CDH13: variants seen among roughly 807,000 people sequenced by gnomAD.
The protein encoded by CDH13 is cadherin-13.
A neutral mutation model predicts 63.8 loss-of-function variants in CDH13; 24 were observed. The observed-to-expected ratio is 0.38, with a 90% confidence interval of 0.27 to 0.53. The LOEUF (loss-of-function observed/expected upper bound fraction) is 0.53, where lower values mean the gene tolerates loss of function less well. CDH13 is among the 20% of genes least tolerant of loss of function. The pLI is 0.85. For synonymous variants in CDH13, 503 were observed against 355.3 expected (o/e 1.42, Z -4.67); for missense variants, 1,049 against 903.1 (o/e 1.16, Z -2.07).
At chr16:82,767,460 G>A (rs1232985492) in intron 1 of CDH13, among the ~76,000 whole-genome samples, 2 of 152,152 alleles carry the variant, frequency 1.3e-5, no homozygotes, top group Non-Finnish European at 2.9e-5. Flanking sequence ...CTTGCATGTT[G>A]TTGCACCGAT....
At chr16:83,459,902 T>C (rs6563909) in intron 6 of CDH13, among the ~76,000 whole-genome samples, 69,308 of 151,990 alleles carry the variant, frequency 0.46, 16,107 homozygotes, top group Middle Eastern at 0.54. Flanking sequence ...ATAATTCACA[T>C]AGATTTCAGT....
chr16:83,256,619 C>T (rs1906296172), intron 5 of CDH13, among the ~76,000 whole-genome samples: 1 of 144,350 alleles, frequency 6.9e-6, no homozygotes, highest in Non-Finnish European at 1.5e-5. Flanking sequence ...ATCACGAGGT[C>T]AGGAGATGGA....
intron 5 of CDH13, among the ~76,000 whole-genome samples, chr16:83,305,081 G>A (rs1440688348): frequency 6.6e-6 from 1 of 152,222 alleles, no homozygotes; most frequent in Non-Finnish European, 1.5e-5. Flanking sequence ...CCAGGTGAGA[G>A]TTCTAAGGGG....
At chr16:83,217,122 G>A (rs2039559894) in intron 4 of CDH13, among the ~76,000 whole-genome samples, 1 of 152,166 alleles carries the variant, frequency 6.6e-6, no homozygotes, top group Non-Finnish European at 1.5e-5. Context: ...CCCGAGTGCT[G>A]GTAAGCTTCC....
chr16:83,637,068 A>G (rs1004806597), intron 8 of CDH13, among the ~76,000 whole-genome samples: 6 of 152,192 alleles, frequency 3.9e-5, no homozygotes, highest in African/African-American at 1.4e-4. Flanking sequence ...CTCTTGAGAC[A>G]TGTCTGTTCA....
chr16:82,790,331 A>T (rs2036237451), intron 1 of CDH13, among the ~76,000 whole-genome samples: 1 of 152,042 alleles, frequency 6.6e-6, no homozygotes, highest in South Asian at 2.1e-4. Flanking sequence ...ACTACTCAGG[A>T]GGTTGAGGCA....
At chr16:83,695,513 C>T (rs951668743) in intron 10 of CDH13, among the ~76,000 whole-genome samples, 3 of 152,218 alleles carry the variant, frequency 2.0e-5, no homozygotes, top group African/African-American at 4.8e-5. Flanking sequence ...GGTGCCCTTT[C>T]TGCAACAGAC....
At chr16:83,519,549 T>A (rs1413261963) in intron 7 of CDH13, among the ~76,000 whole-genome samples, 2 of 152,210 alleles carry the variant, frequency 1.3e-5, no homozygotes, top group African/African-American at 4.8e-5. Context: ...ATACCTTGAG[T>A]ATTAGACTAA....
chr16:83,292,288 A>G (rs2089483975), intron 5 of CDH13, among the ~76,000 whole-genome samples: 1 of 152,106 alleles, frequency 6.6e-6, no homozygotes, highest in Non-Finnish European at 1.5e-5. Context: ...GGCTTCATTA[A>G]TGTTGCATTT....
chr16:83,578,721 A>C (rs181713459), intron 7 of CDH13, among the ~76,000 whole-genome samples: 1 of 152,372 alleles, frequency 6.6e-6, no homozygotes, highest in African/African-American at 2.4e-5. Context: ...AACACCTTAC[A>C]GATTGGCACA....
At chr16:83,469,486 G>A (rs545017108) in intron 6 of CDH13, among the ~76,000 whole-genome samples, 7 of 152,226 alleles carry the variant, frequency 4.6e-5, no homozygotes, top group Middle Eastern at 3.4e-3. Context: ...ATATCTCAGC[G>A]GGGAATAACT....
At chr16:83,577,489 G>A (rs149090204) in intron 7 of CDH13, among the ~76,000 whole-genome samples, 200 of 152,292 alleles carry the variant, frequency 1.3e-3, no homozygotes, top group African/African-American at 4.5e-3. Context: ...AGCCAGTGAG[G>A]GGTCTGCATT....
At chr16:83,415,415 A>G (rs2092185568) in intron 6 of CDH13, among the ~76,000 whole-genome samples, 1 of 152,208 alleles carries the variant, frequency 6.6e-6, no homozygotes, top group African/African-American at 2.4e-5. Context: ...AACTCATTTT[A>G]TAAAGCTAGT....
At chr16:82,880,235 A>G (rs560401184) in intron 2 of CDH13, among the ~76,000 whole-genome samples, 1 of 152,024 alleles carries the variant, frequency 6.6e-6, no homozygotes, top group Non-Finnish European at 1.5e-5. Flanking sequence ...CAGCGTCCTC[A>G]TGCTTCTCCC....
intron 3 of CDH13, among the ~76,000 whole-genome samples, chr16:83,114,313 C>A (rs1010994187): frequency 1.3e-5 from 2 of 152,172 alleles, no homozygotes; most frequent in Non-Finnish European, 1.5e-5. Context: ...GCGGTCCCTA[C>A]TGAAAAGGAT....
At chr16:83,148,195 C>T (rs1287151113) in intron 4 of CDH13, among the ~76,000 whole-genome samples, 5 of 152,338 alleles carry the variant, frequency 3.3e-5, no homozygotes, top group Non-Finnish European at 7.3e-5. Context: ...GCCTCAGCTT[C>T]CCAAAGTGCT....
At chr16:82,973,852 T>G (rs1909120816) in intron 2 of CDH13, among the ~76,000 whole-genome samples, 1 of 152,244 alleles carries the variant, frequency 6.6e-6, no homozygotes, top group African/African-American at 2.4e-5. Context: ...CTCAGCTGTT[T>G]CATTGATGTA....
At chr16:83,006,367 G>C (rs1160172168) in intron 2 of CDH13, among the ~76,000 whole-genome samples, 2 of 152,190 alleles carry the variant, frequency 1.3e-5, no homozygotes, top group Non-Finnish European at 1.5e-5. Flanking sequence ...AAAACGTTCA[G>C]ATATGTCTCC....
At chr16:82,744,781 G>A (rs538183487) in intron 1 of CDH13, among the ~76,000 whole-genome samples, 44 of 152,266 alleles carry the variant, frequency 2.9e-4, no homozygotes, top group African/African-American at 1.0e-3. Context: ...ATGAATTTAT[G>A]TTTCTTGTGC....
Sources: allele counts gnomAD v4.1 joint callset (sites outside exome capture counted in the v4.1 genomes callset), GRCh38; gene constraint gnomAD v4.1.1; transcripts MANE v1.5; gene names NCBI Gene and HGNC (gene_info 2026-07-23, HGNC 2026-07-21).